The following CEP192 variants were observed in gnomAD, a reference collection of about 807,000 sequenced individuals.
CEP192 encodes centrosomal protein of 192 kDa.
In CEP192, 151 loss-of-function variants were observed where a neutral mutation model predicts 271.8. That is an observed-to-expected ratio of 0.56 (90% confidence interval 0.49 to 0.64). CEP192 has a LOEUF of 0.64. Among genes scored for constraint, CEP192 ranks in the 30% least tolerant of loss-of-function variants. The pLI is 0.00. For synonymous variants in CEP192, 995 were observed against 1,076.5 expected (o/e 0.92, Z 1.48); for missense variants, 2,910 against 3,020.5 (o/e 0.96, Z 0.86).
rs912454283 is a variant in CEP192, at chr18:13,069,664, A to T, written c.5056-74A>T. On this transcript the variant is annotated intron_variant, in intron 26 of 44. Coordinates refer to ENST00000506447, the MANE Select transcript of CEP192 (RefSeq NM_032142.4). The stretch of plus-strand genomic sequence containing the variant: ...GTCCTGGTAAATGAGAAACGCACGT[A>T]AGGCAGGAGCCACTGAGCGAAAACT... 29 of 808,128 alleles carry T rather than the reference A, an allele frequency of 3.6e-5. No homozygotes were observed. The African/African-American group carries it at 4.3e-4, about 12-fold the overall frequency. The allele number at this position is 808,128 out of a possible 1,614,324, so 50.1% of individuals were successfully genotyped here.
intron 15 of CEP192, among the ~76,000 whole-genome samples, chr18:13,046,167 A>C (rs1312962482): frequency 6.6e-6 from 1 of 152,164 alleles, no homozygotes; most frequent in African/African-American, 2.4e-5. Context: ...CAGAAGGCGA[A>C]GCGGGAGCAG....
At chr18:13,005,938 A>T (rs751933104) in intron 3 of CEP192, among the ~76,000 whole-genome samples, 1 of 152,200 alleles carries the variant, frequency 6.6e-6, no homozygotes, top group African/African-American at 2.4e-5. Context: ...TAATCTTGAT[A>T]GTTGGTTTTT....
At position 13,057,661 on chromosome 18, in the gene CEP192, T is replaced by G. The variant is rs905122247; in HGVS notation, c.4185T>G (p.Ser1395Arg). 2 of 1,614,160 alleles carry G rather than the reference T, an allele frequency of 1.2e-6. No homozygotes were observed. Among genetic ancestry groups the G allele is most frequent in the South Asian group, 2.2e-5 (2 of 91,082 alleles). ...CVGIASQTLL[S>R]VLNPTDRWLQ... is the part of the protein sequence containing the mutation. ...GGATCGCTTCCCAGACCCTCCTCAG[T>G]GTGCTTAATCCAACTGACCGCTGGC... Residue 1395 changes from serine to arginine, a missense_variant, in exon 20 of 45, where the codon AGT (serine) becomes AGG (arginine). Transcript: ENST00000506447.
chr18:13,071,380 C>T lies in CEP192; in HGVS notation c.5348+168C>T, dbSNP rs374720242. 9.2e-5 allele frequency among the ~76,000 whole-genome samples: 14 copies of T among 152,198 alleles called. No homozygotes were observed. The East Asian group carries it at 1.2e-3, about 13-fold the overall frequency. On this transcript the variant is annotated intron_variant, in intron 28 of 44. Coordinates refer to ENST00000506447, the MANE Select transcript of CEP192 (RefSeq NM_032142.4). ...GTGTCCTGATTCAGCTTTTCTTTAA[C>T]ATATATTCCAGTCCTGCAAAGAGCA...
At chr18:13,105,795 C>T (rs536313832) in intron 40 of CEP192, among the ~76,000 whole-genome samples, 1 of 152,276 alleles carries the variant, frequency 6.6e-6, no homozygotes, top group South Asian at 2.1e-4. Context: ...CCCCAAACCA[C>T]AACAGAAGCA....
chr18:13,011,031 A>AGCCTGGCCAACATGGTGAACCCCT (rs947903697), intron 4 of CEP192, among the ~76,000 whole-genome samples: 2 of 152,106 alleles, frequency 1.3e-5, no homozygotes, highest in Non-Finnish European at 2.9e-5. Context: ...GTTCGAGACC[A>AGCCTGGCCAACATGGTGAACCCCT]GCCTGGCCAA....
In CEP192 at chr18:13,103,573, G is replaced by T. The variant is rs777789792; in HGVS notation, c.6936G>T (p.Ala2312=). Residue 2312 remains alanine, a synonymous_variant, in exon 39 of 45, where the codon GCG becomes GCT. Coordinates refer to ENST00000506447, the MANE Select transcript of CEP192 (RefSeq NM_032142.4). ...TGAAATGGCATCTGTCATCTTTAGCGCCACCTTATGTCAAGGTCAGTCATG... is the reference window on the plus strand; with the variant it reads ...TGAAATGGCATCTGTCATCTTTAGCTCCACCTTATGTCAAGGTCAGTCATG... The part of the protein sequence containing the change: ...TDVKWHLSSL[A]PPYVKGVDES... 1.2e-6 allele frequency: 2 copies of T among 1,612,942 alleles called. No homozygotes were observed. The highest frequency in any genetic ancestry group is 2.7e-5 in the African/African-American group (2 of 74,862).
At chr18:13,020,108 G>GC (rs1189783471) in intron 9 of CEP192, among the ~76,000 whole-genome samples, 2 of 152,144 alleles carry the variant, frequency 1.3e-5, no homozygotes, top group Non-Finnish European at 2.9e-5. Flanking sequence ...ACCACACCCA[G>GC]CTACTATCTT....
At position 13,049,317 on chromosome 18, in the gene CEP192, A is replaced by G. The variant is rs2036646543; in HGVS notation, c.2526A>G (p.Ala842=). ...TGAGGGCACCAGAAGAAAACACAGCAGCTATTGTTTATGTTGAAAATGGAG... is the reference window on the plus strand; with the variant it reads ...TGAGGGCACCAGAAGAAAACACAGCGGCTATTGTTTATGTTGAAAATGGAG... ...VSVRAPEENT[A]AIVYVENGES... is the part of the protein sequence containing the mutation. The change falls in exon 16 of 45, where the codon GCA becomes GCG. Residue 842 remains alanine, a synonymous_variant. Coordinates refer to ENST00000506447, the MANE Select transcript of CEP192 (RefSeq NM_032142.4). 5 of 1,614,148 alleles carry G rather than the reference A, an allele frequency of 3.1e-6. No individual in the cohort carries two copies. Among genetic ancestry groups the G allele is most frequent in the Non-Finnish European group, 4.2e-6 (5 of 1,179,994 alleles).
At chr18:13,098,379 C>T (rs1472391647) in intron 36 of CEP192, among the ~76,000 whole-genome samples, 3 of 152,268 alleles carry the variant, frequency 2.0e-5, no homozygotes, top group South Asian at 4.1e-4. Context: ...CCTCACTTCC[C>T]AGACGGGGCG....
intron 38 of CEP192, among the ~76,000 whole-genome samples, chr18:13,101,685 C>T: frequency 6.6e-6 from 1 of 152,076 alleles, no homozygotes; most frequent in Non-Finnish European, 1.5e-5. Flanking sequence ...TCCATGGTCT[C>T]CCTCCTGGAC....
chr18:13,069,114 C>T lies in CEP192; in HGVS notation c.4988C>T (p.Ala1663Val). 6.2e-7 allele frequency: 1 copy of T among 1,614,194 alleles called. No homozygotes were observed. The highest frequency in any genetic ancestry group is 8.5e-7 in the Non-Finnish European group (1 of 1,180,034). The change falls in exon 26 of 45, where the codon GCT (alanine) becomes GTT (valine). Residue 1663 changes from alanine to valine, a missense_variant. By Grantham distance (64) the Ala-to-Val change is moderately conservative. Transcript: ENST00000506447. ...LQTMHFLAKV[A>V]SSRKQHLPLK... ...ACGATGCATTTCTTGGCCAAAGTGG[C>T]TTCCTCAAGAAAGCAGCACTTACCT... is the stretch of plus-strand genomic sequence containing the variant.
Position 13,082,288 on chromosome 18 carries a change from C to A in CEP192, c.5617-4729C>A, listed in dbSNP as rs529982371. On this transcript the variant is annotated intron_variant, in intron 30 of 44. Coordinates refer to ENST00000506447, the MANE Select transcript of CEP192 (RefSeq NM_032142.4). ...GACTTGCTTTACGAATCTGGGTGCT[C>A]CTGTATTAGGTGCATATATATTTAG... Among the ~76,000 whole-genome samples the A allele has an allele frequency of 3.7e-4, 56 of 152,126 alleles. No individual in the cohort carries two copies. The South Asian group carries it at 7.1e-3, about 19-fold the overall frequency.
At chr18:13,112,047 G>A (rs564998514) in intron 40 of CEP192, among the ~76,000 whole-genome samples, 55 of 152,298 alleles carry the variant, frequency 3.6e-4, no homozygotes, top group South Asian at 1.4e-3. Flanking sequence ...TGGTACAGCC[G>A]CTATGGAAAA....
At chr18:13,058,288 T>C (rs912020634) in intron 20 of CEP192, 1 of 152,362 alleles carries the variant, frequency 6.6e-6, no homozygotes, top group African/African-American at 2.4e-5. Flanking sequence ...TCTCTCCTGG[T>C]TACAGTGACC....
chr18:13,112,588 A>T (rs1434529252), intron 40 of CEP192, among the ~76,000 whole-genome samples: 1 of 152,170 alleles, frequency 6.6e-6, no homozygotes, highest in Non-Finnish European at 1.5e-5. Context: ...AGGATTTTAT[A>T]GTCCCGTAGT....
rs566440008 is a variant in CEP192 at position 13,122,422 on chromosome 18, A to G, written c.7476-2210A>G. On this transcript the variant is annotated intron_variant, in intron 44 of 44. Transcript: ENST00000506447. ...GGCAAAAGAGCGAGACACCGTCTCA[A>G]AAAAACAAAGTAGCCGGGCCTGGTG... Among the ~76,000 whole-genome samples the G allele has an allele frequency of 7.2e-5, 11 of 152,330 alleles. No homozygotes were observed. In the East Asian group the frequency reaches 2.1e-3, roughly 29 times the overall value.
intron 9 of CEP192, among the ~76,000 whole-genome samples, chr18:13,020,324 C>A (rs779749137): frequency 2.2e-4 from 33 of 152,190 alleles, no homozygotes; most frequent in Non-Finnish European, 3.5e-4. Context: ...TAAGTGAAAT[C>A]ATACAATATT....
At chr18:13,057,035 G>A (rs1042964368) in intron 19 of CEP192, among the ~76,000 whole-genome samples, 4 of 152,162 alleles carry the variant, frequency 2.6e-5, no homozygotes, top group African/African-American at 9.7e-5. Context: ...GAGTCTCTGG[G>A]TGGCTGCTGT....
Sources: gnomAD v4.1 joint callset for allele counts (sites outside exome capture counted in the v4.1 genomes callset) on GRCh38, gnomAD v4.1.1 for gene constraint, MANE v1.5 for transcripts, NCBI Gene and HGNC (gene_info 2026-07-23, HGNC 2026-07-21) for gene names.